Variants in USP7 observed in about 807,000 individuals in gnomAD.
USP7 encodes the protein ubiquitin specific peptidase 7, also known as ubiquitin C-terminal hydrolase 7.
In USP7, 9 loss-of-function variants were observed where a neutral mutation model predicts 162.9. That is an observed-to-expected ratio of 0.06 (90% confidence interval 0.03 to 0.10). The LOEUF is 0.10. USP7 is among the 10% of genes least tolerant of loss of function. The probability of loss-of-function intolerance (pLI) is 1.00; values close to 1 mark genes in which losing one functional copy is unlikely to be tolerated. For synonymous variants in USP7, 562 were observed against 475.9 expected, an observed-to-expected ratio of 1.18 and a Z score of -2.35; for missense variants, 715 against 1,373.7, an observed-to-expected ratio of 0.52 and a Z score of 7.58.
chr16:8,959,664 T>C (rs1043515243), intron 1 of USP7, among the ~76,000 whole-genome samples: 1 of 152,254 alleles, frequency 6.6e-6, no homozygotes, highest in Non-Finnish European at 1.5e-5. Context: ...TTTGTCTCGT[T>C]ACAGTGCTAT....
chr16:8,928,030 A>G (rs1041913142), intron 2 of USP7, among the ~76,000 whole-genome samples: 6 of 152,228 alleles, frequency 3.9e-5, no homozygotes, highest in African/African-American at 1.4e-4. Flanking sequence ...CTCATGAAAA[A>G]TAGTGAATAA....
At chr16:8,915,145 C>A (rs2141200155) in intron 10 of USP7, 109 bp downstream of exon 10, 2 of 1,041,758 alleles carry the variant, frequency 1.9e-6, no homozygotes, top group Non-Finnish European at 2.7e-6. Context: ...AGATCTGAGC[C>A]ATTCTCTGTG....
intron 1 of USP7, among the ~76,000 whole-genome samples, chr16:8,943,424 C>T (rs1168833330): frequency 6.6e-6 from 1 of 152,106 alleles, no homozygotes; most frequent in Non-Finnish European, 1.5e-5. Context: ...CACGCACGGC[C>T]GGAACCGAGC....
rs1365181517 is a variant in USP7, at chr16:8,902,107, C to G, written c.2022G>C (p.Ala674=). The G allele has an allele frequency of 6.2e-7, 1 of 1,614,112 alleles. No individual in the cohort carries two copies. The highest frequency in any genetic ancestry group is 8.5e-7 in the Non-Finnish European group (1 of 1,180,024). ...TVDPELAASG[A]TLPKFDKDHD... is the part of the protein sequence containing the mutation. Reference sequence around the variant, plus strand: ...GATCTTTATCAAACTTGGGTAAGGTCGCTCCACTAGCAGCCAGCTCGGGAT... The same window carrying G: ...GATCTTTATCAAACTTGGGTAAGGTGGCTCCACTAGCAGCCAGCTCGGGAT... Residue 674 remains alanine, a synonymous_variant, in exon 18 of 31, where the codon GCG becomes GCC. Transcript: ENST00000344836.
intron 1 of USP7, among the ~76,000 whole-genome samples, chr16:8,957,233 C>G (rs1899845209): frequency 6.6e-6 from 1 of 152,240 alleles, no homozygotes; most frequent in African/African-American, 2.4e-5. Flanking sequence ...AACTGACTTT[C>G]TTGCCTACGC....
chr16:8,953,062 C>T (rs941690313), intron 1 of USP7, among the ~76,000 whole-genome samples: 2 of 152,050 alleles, frequency 1.3e-5, no homozygotes, highest in African/African-American at 4.8e-5. Context: ...GTCTTGAACC[C>T]CTGACCTCGT....
intron 2 of USP7, among the ~76,000 whole-genome samples, chr16:8,927,406 G>C (rs999679067): frequency 6.6e-6 from 1 of 152,058 alleles, no homozygotes; most frequent in Non-Finnish European, 1.5e-5. Context: ...TCTCCAAATG[G>C]TGCTGTTGCA....
chr16:8,948,958 C>T (rs1899423242), intron 1 of USP7, among the ~76,000 whole-genome samples: 1 of 151,620 alleles, frequency 6.6e-6, no homozygotes, highest in Non-Finnish European at 1.5e-5. Flanking sequence ...GATCTTGTCT[C>T]CCAAAGGGGA....
At chr16:8,952,939 C>T (rs1389974679) in intron 1 of USP7, among the ~76,000 whole-genome samples, 2 of 151,998 alleles carry the variant, frequency 1.3e-5, no homozygotes, top group Non-Finnish European at 2.9e-5. Flanking sequence ...TGGGTTCAAG[C>T]GATTCTCCTG....
At chr16:8,900,224 C>T (rs2061752345) in intron 21 of USP7, 1 of 325,130 alleles carries the variant, frequency 3.1e-6, no homozygotes, top group African/African-American at 2.2e-5. Context: ...CAAGTAGGTA[C>T]ATTCTAAGGA....
chr16:8,915,213 A>T, intron 10 of USP7, 41 bp downstream of exon 10: 1 of 1,509,856 alleles, frequency 6.6e-7, no homozygotes, highest in Non-Finnish European at 9.0e-7. Flanking sequence ...CACAGTAGAA[A>T]TCATCAAAAG....
chr16:8,921,971 G>GGACA (rs1359165603), intron 3 of USP7, among the ~76,000 whole-genome samples: 1 of 152,224 alleles, frequency 6.6e-6, no homozygotes, highest in Non-Finnish European at 1.5e-5. Context: ...GACAAGGGTA[G>GGACA]GACAGTGCTG....
At chr16:8,920,983 C>G (rs1250251683) in intron 4 of USP7, among the ~76,000 whole-genome samples, 174 bp downstream of exon 4, 2 of 152,328 alleles carry the variant, frequency 1.3e-5, no homozygotes, top group East Asian at 1.9e-4. Context: ...ATCCAGAAAG[C>G]TGCTAAAAAC....
intron 10 of USP7, among the ~76,000 whole-genome samples, chr16:8,913,364 G>C (rs1244656721): frequency 6.6e-6 from 1 of 151,332 alleles, no homozygotes. Context: ...TCAAAAAGAG[G>C]AGAGAAGAGG....
intron 6 of USP7, 136 bp downstream of exon 6, chr16:8,918,895 A>T (rs1020377579): frequency 8.5e-6 from 7 of 819,828 alleles, no homozygotes; most frequent in Admixed American, 6.0e-5. Flanking sequence ...ATGAAAACGC[A>T]GCATGAACTA....
chr16:8,896,061 G>T (rs959074420), intron 26 of USP7, among the ~76,000 whole-genome samples: 5 of 151,180 alleles, frequency 3.3e-5, no homozygotes, highest in African/African-American at 1.2e-4. Context: ...GGATGGTCTC[G>T]AACTCCTGAC....
intron 11 of USP7, 117 bp downstream of exon 11, chr16:8,910,628 A>G: frequency 1.1e-6 from 1 of 882,078 alleles, no homozygotes; most frequent in Non-Finnish European, 1.8e-6. Flanking sequence ...ATCCTTGTAT[A>G]TTCTAAATAC....
intron 4 of USP7, 59 bp downstream of exon 4, chr16:8,921,098 T>G: frequency 1.3e-6 from 2 of 1,542,150 alleles, no homozygotes; most frequent in Non-Finnish European, 8.8e-7. Flanking sequence ...AATCAAAAAG[T>G]TAAGGGAACA....
chr16:8,915,122 A>T, intron 10 of USP7, 132 bp downstream of exon 10: 2 of 834,952 alleles, frequency 2.4e-6, no homozygotes, highest in Non-Finnish European at 3.6e-6. Context: ...TCACCCAGTG[A>T]GCTGTTTGCT....
Sources: gnomAD v4.1 joint callset for allele counts (sites outside exome capture counted in the v4.1 genomes callset) on GRCh38, gnomAD v4.1.1 for gene constraint, MANE v1.5 for transcripts, NCBI Gene and HGNC (gene_info 2026-07-23, HGNC 2026-07-21) for gene names.